KCNMA1: variants seen among roughly 807,000 people sequenced by gnomAD.
The protein encoded by KCNMA1 is Calcium-activated potassium channel subunit alpha-1.
A neutral mutation model predicts 140.0 loss-of-function variants in KCNMA1; 29 were observed. The ratio of observed to expected loss-of-function variants is 0.21; its 90% confidence interval spans 0.15 to 0.28. The LOEUF (loss-of-function observed/expected upper bound fraction) is 0.28. Ranked by LOEUF, KCNMA1 falls within the 10% of genes least tolerant of loss-of-function variation. KCNMA1 has a pLI of 1.00. For missense variants in KCNMA1, 880 were observed against 1,602.2 expected (o/e 0.55, Z 7.70); for synonymous variants, 612 against 611.9 (o/e 1.00, Z 0.00).
intron 2 of KCNMA1, among the ~76,000 whole-genome samples, chr10:77,255,749 T>G (rs944497635): frequency 6.6e-6 from 1 of 151,704 alleles, no homozygotes; most frequent in Admixed American, 6.6e-5. Flanking sequence ...CTGTCTCTAC[T>G]AAAAATATAA....
At chr10:76,877,894 C>T (rs766663644) in intron 29 of KCNMA1, 1 of 1,608,058 alleles carries the variant, frequency 6.2e-7, no homozygotes, top group Non-Finnish European at 8.5e-7. Context: ...TTCTTTTCTG[C>T]TAAAGGGCAA....
chr10:77,073,028 G>T, intron 14 of KCNMA1, 69 bp downstream of exon 14: 1 of 1,434,172 alleles, frequency 7.0e-7, no homozygotes, highest in Non-Finnish European at 9.8e-7. Context: ...AGTTTAAGCT[G>T]TGCTCTCTAC....
At chr10:77,256,263 G>A (rs2060736040) in intron 2 of KCNMA1, among the ~76,000 whole-genome samples, 1 of 152,084 alleles carries the variant, frequency 6.6e-6, no homozygotes, top group South Asian at 2.1e-4. Flanking sequence ...GCTTTCAGCG[G>A]GTGTGTGAGG....
chr10:77,269,837 C>G (rs572890250), intron 2 of KCNMA1, among the ~76,000 whole-genome samples: 3 of 152,212 alleles, frequency 2.0e-5, no homozygotes, highest in East Asian at 1.9e-4. Context: ...TGGAGGAGCC[C>G]CATCTCCCCT....
chr10:76,938,354 C>T (rs1407644625), intron 23 of KCNMA1, among the ~76,000 whole-genome samples: 2 of 152,206 alleles, frequency 1.3e-5, no homozygotes, highest in Non-Finnish European at 2.9e-5. Context: ...CTCTGCCATC[C>T]TCTGACCCCC....
intron 3 of KCNMA1, among the ~76,000 whole-genome samples, chr10:77,200,132 G>A (rs1225391025): frequency 6.6e-6 from 1 of 152,022 alleles, no homozygotes; most frequent in African/African-American, 2.4e-5. Flanking sequence ...TGTATTTTTG[G>A]TAGAGATAGG....
chr10:77,623,414 A>T (rs2091881223), intron 1 of KCNMA1, among the ~76,000 whole-genome samples: 2 of 152,120 alleles, frequency 1.3e-5, no homozygotes, highest in African/African-American at 4.8e-5. Flanking sequence ...TACTTGGAAC[A>T]GCTGGGTGCA....
chr10:77,492,288 G>A (rs2040229885), intron 1 of KCNMA1, among the ~76,000 whole-genome samples: 1 of 152,124 alleles, frequency 6.6e-6, no homozygotes, highest in Admixed American at 6.6e-5. Context: ...CCTCTCATTT[G>A]GATCAGCCCA....
intron 5 of KCNMA1, among the ~76,000 whole-genome samples, chr10:77,167,895 C>G (rs1271041402): frequency 6.6e-6 from 1 of 152,032 alleles, no homozygotes; most frequent in East Asian, 1.9e-4. Flanking sequence ...GTTGCCCAGG[C>G]TGGTCTCAAA....
chr10:77,223,748 A>G (rs1372406472), intron 3 of KCNMA1, among the ~76,000 whole-genome samples: 3 of 152,088 alleles, frequency 2.0e-5, no homozygotes, highest in Non-Finnish European at 4.4e-5. Context: ...TGCAGATAGC[A>G]CAGTTTCAAG....
At chr10:77,487,834 G>T (rs901441702) in intron 1 of KCNMA1, among the ~76,000 whole-genome samples, 1 of 152,168 alleles carries the variant, frequency 6.6e-6, no homozygotes, top group Admixed American at 6.5e-5. Context: ...ATCACCTGGG[G>T]ATGTGTAAGA....
intron 2 of KCNMA1, among the ~76,000 whole-genome samples, chr10:77,330,531 T>G (rs1338143498): frequency 6.6e-6 from 1 of 152,164 alleles, no homozygotes; most frequent in African/African-American, 2.4e-5. Flanking sequence ...TGACCCCTCC[T>G]TATCTGGAAC....
intron 2 of KCNMA1, among the ~76,000 whole-genome samples, chr10:77,345,998 G>A (rs572223670): frequency 6.6e-6 from 1 of 152,278 alleles, no homozygotes; most frequent in Admixed American, 6.5e-5. Flanking sequence ...GACTGACCTT[G>A]AATACATACT....
intron 1 of KCNMA1, among the ~76,000 whole-genome samples, chr10:77,614,493 G>A (rs1371497275): frequency 1.3e-5 from 2 of 152,184 alleles, no homozygotes; most frequent in African/African-American, 4.8e-5. Flanking sequence ...AGTGCTTTGT[G>A]TAAGATAGAC....
chr10:77,041,821 G>A (rs1203374598), intron 14 of KCNMA1, among the ~76,000 whole-genome samples: 2 of 152,136 alleles, frequency 1.3e-5, no homozygotes, highest in East Asian at 3.9e-4. Context: ...AACGGCTTGT[G>A]CTTATCTTGT....
chr10:77,079,180 G>A (rs2096489667), intron 13 of KCNMA1, among the ~76,000 whole-genome samples: 1 of 152,144 alleles, frequency 6.6e-6, no homozygotes, highest in African/African-American at 2.4e-5. Flanking sequence ...AGAGGCAGGA[G>A]AATTGCTTGA....
At chr10:77,360,156 C>T (rs1156515112) in intron 2 of KCNMA1, among the ~76,000 whole-genome samples, 1 of 152,194 alleles carries the variant, frequency 6.6e-6, no homozygotes, top group East Asian at 1.9e-4. Flanking sequence ...TGAATGAGTG[C>T]ACATTCTTGT....
intron 20 of KCNMA1, among the ~76,000 whole-genome samples, chr10:76,958,091 A>T (rs1282307105): frequency 3.9e-5 from 6 of 152,198 alleles, no homozygotes; most frequent in Non-Finnish European, 8.8e-5. Context: ...GCCATTGAGC[A>T]CACCAATCAA....
intron 16 of KCNMA1, among the ~76,000 whole-genome samples, chr10:77,026,359 C>T (rs2093462055): frequency 6.6e-6 from 1 of 152,154 alleles, no homozygotes; most frequent in South Asian, 2.1e-4. Flanking sequence ...ATAGAGAACA[C>T]TGAGTTACAC....
Sources: gnomAD v4.1 joint callset for allele counts (sites outside exome capture counted in the v4.1 genomes callset) on GRCh38, gnomAD v4.1.1 for gene constraint, MANE v1.5 for transcripts, NCBI Gene and HGNC (gene_info 2026-07-23, HGNC 2026-07-21) for gene names.